Variants in ZFP64 observed in about 807,000 individuals in gnomAD.
ZFP64 encodes ZFP64 zinc finger protein, also known as zinc finger protein 64.
A neutral mutation model predicts 51.6 loss-of-function variants in ZFP64; 14 were observed. The ratio of observed to expected loss-of-function variants is 0.27; its 90% confidence interval spans 0.18 to 0.42. ZFP64 has a LOEUF of 0.42. Ranked by LOEUF, ZFP64 falls within the 10% of genes least tolerant of loss-of-function variation. The pLI is 1.00. For missense variants in ZFP64, 754 were observed against 906.8 expected (o/e 0.83, Z 2.16); for synonymous variants, 375 against 361.4 (o/e 1.04, Z -0.43).
intron 7 of ZFP64, chr20:52,096,746 G>T (rs2078992767): frequency 5.3e-6 from 1 of 189,304 alleles, no homozygotes; most frequent in Non-Finnish European, 1.1e-5. Flanking sequence ...AAAATTAGCT[G>T]GGCAAGGTGG....
In ZFP64 at chr20:52,153,486, C is replaced by A; in HGVS notation, c.764-58G>T. On this transcript the variant is annotated intron_variant, in intron 5 of 5. Coordinates refer to ENST00000216923, the MANE Select transcript of ZFP64 (RefSeq NM_018197.3). This position sits in a 1 kb window ranked among gnomAD's most constrained non-coding sequence, Gnocchi z 5.1. ...GGCAGGCAACAACCACAGCGGATCCCCCCGAAGCACACACCAGAAAATCGC... is the reference window on the plus strand; with the variant it reads ...GGCAGGCAACAACCACAGCGGATCCACCCGAAGCACACACCAGAAAATCGC... The A allele has an allele frequency of 6.5e-7, 1 of 1,547,788 alleles. No individual in the cohort carries two copies. Among genetic ancestry groups the A allele is most frequent in the East Asian group, 2.3e-5 (1 of 43,928 alleles).
At chr20:52,189,126 G>GT (rs1378220343) in intron 1 of ZFP64, among the ~76,000 whole-genome samples, 2 of 151,938 alleles carry the variant, frequency 1.3e-5, no homozygotes, top group African/African-American at 2.4e-5. Context: ...TAAAAGTTGC[G>GT]TAAGATGGCT....
intron 7 of ZFP64, chr20:52,097,162 A>G (rs984509055): frequency 1.0e-5 from 8 of 790,282 alleles, no homozygotes; most frequent in Admixed American, 3.4e-5. Context: ...TAAGATGACT[A>G]TAGCCACAGG....
intron 7 of ZFP64, among the ~76,000 whole-genome samples, chr20:52,092,884 A>C (rs1430618406): frequency 6.6e-6 from 1 of 152,180 alleles, no homozygotes; most frequent in East Asian, 1.9e-4. Context: ...GAAACAAAAC[A>C]GATCGATAAC....
At chr20:52,106,782 G>A (rs1443331641) in intron 5 of ZFP64, among the ~76,000 whole-genome samples, 2 of 152,152 alleles carry the variant, frequency 1.3e-5, no homozygotes, top group Admixed American at 6.5e-5. Context: ...TAGTTACACG[G>A]ATCTGTAAAG....
intron 5 of ZFP64, among the ~76,000 whole-genome samples, chr20:52,098,776 G>C (rs1324722356): frequency 6.6e-6 from 1 of 152,062 alleles, no homozygotes; most frequent in African/African-American, 2.4e-5. Context: ...GGCTGAGGTT[G>C]GTGGAGCACG....
At chr20:52,190,210 G>C (rs1984272737) in intron 1 of ZFP64, among the ~76,000 whole-genome samples, 1 of 152,132 alleles carries the variant, frequency 6.6e-6, no homozygotes, top group African/African-American at 2.4e-5. Flanking sequence ...GATACCCATG[G>C]AACTAACAAG....
chr20:52,148,680 G>A (rs1466036424), downstream of ZFP64, among the ~76,000 whole-genome samples: 4 of 149,324 alleles, frequency 2.7e-5, no homozygotes, highest in Admixed American at 6.7e-5. Flanking sequence ...CAGGCTGGGC[G>A]ACAGCCAGAC....
At chr20:52,116,539 C>A (rs1321020351) in intron 5 of ZFP64, among the ~76,000 whole-genome samples, 5 of 151,178 alleles carry the variant, frequency 3.3e-5, no homozygotes, top group African/African-American at 1.2e-4. Context: ...TACTTTCATA[C>A]AATAGAATTC....
chr20:52,133,978 A>T (rs533242284), intron 5 of ZFP64, among the ~76,000 whole-genome samples: 1 of 149,164 alleles, frequency 6.7e-6, no homozygotes, highest in African/African-American at 2.5e-5. Flanking sequence ...GCAGTGAGCC[A>T]TGATCATGCC....
In ZFP64 at chr20:52,191,598, C is replaced by T; in HGVS notation, c.39G>A (p.Ser13=). 6.3e-7 allele frequency: 1 copy of T among 1,589,264 alleles called. No homozygotes were observed. The highest frequency in any genetic ancestry group is 8.5e-7 in the Non-Finnish European group (1 of 1,170,764). The change falls in exon 1 of 6, where the codon TCG becomes TCA. Residue 13 remains serine, a synonymous_variant. Transcript: ENST00000216923. This position sits in a 1 kb window ranked among gnomAD's most constrained non-coding sequence, Gnocchi z 4.3. ...TCCCGGAAAAGCACTTACTTTGCAC[C>T]GAGCCCGCGAAGCTCTCGCCCTCGC... ...ASSEGESFAG[S]VQIPGGTTVL... is the part of the protein sequence containing the mutation.
Position 52,191,753 on chromosome 20 carries a change from A to G in ZFP64, c.-117T>C. The G allele has an allele frequency of 8.0e-7, 1 of 1,253,842 alleles. No individual in the cohort carries two copies. Among genetic ancestry groups the G allele is most frequent in the Non-Finnish European group, 1.1e-6 (1 of 949,626 alleles). 77.7% of individuals were successfully genotyped at this position (1,253,842 alleles called of 1,614,324 possible). On this transcript the variant is annotated 5_prime_UTR_variant, in exon 1 of 6. Coordinates refer to ENST00000216923, the MANE Select transcript of ZFP64 (RefSeq NM_018197.3). The surrounding 1 kb of genome is among the most constrained non-coding windows in gnomAD (Gnocchi z 4.3). The stretch of plus-strand genomic sequence containing the variant: ...ACACCCCCCACCCTGCCTTCTCCCA[A>G]CTCTGCGAGGCGGGGAGGACGGATG...
intron 5 of ZFP64, among the ~76,000 whole-genome samples, chr20:52,123,885 G>T (rs1047224693): frequency 6.6e-6 from 1 of 150,640 alleles, no homozygotes; most frequent in African/African-American, 2.4e-5. Context: ...TTGGGGGGGG[G>T]AGGGGGCAGA....
Position 52,088,391 on chromosome 20 carries a change from C to A in ZFP64, c.1228+1G>T. On this transcript the variant is annotated splice_donor_variant, in intron 8 of 8. Coordinates refer to the ZFP64 transcript ENST00000361387. LOFTEE classifies it high-confidence loss of function. Reference sequence around the variant, plus strand: ...TTGAGGTTTCCTGGTCAGGGACTCACCCGTGTGAGATCGCAGGTGGACGGT... The same window carrying A: ...TTGAGGTTTCCTGGTCAGGGACTCAACCGTGTGAGATCGCAGGTGGACGGT... 6.2e-7 allele frequency: 1 copy of A among 1,613,888 alleles called. No homozygotes were observed. The highest frequency in any genetic ancestry group is 8.5e-7 in the Non-Finnish European group (1 of 1,180,036).
chr20:52,154,233 G>C (rs538588238), intron 5 of ZFP64, among the ~76,000 whole-genome samples: 1 of 152,120 alleles, frequency 6.6e-6, no homozygotes, highest in Non-Finnish European at 1.5e-5. Context: ...AATATTCTTC[G>C]ATGGCTTCCG....
At chr20:52,174,069 C>G (rs1345481608) in intron 2 of ZFP64, among the ~76,000 whole-genome samples, 1 of 152,030 alleles carries the variant, frequency 6.6e-6, no homozygotes, top group Non-Finnish European at 1.5e-5. Context: ...GAGGACAGAC[C>G]CTTGTTTCTT....
chr20:52,109,299 G>A (rs1253668009), intron 5 of ZFP64, among the ~76,000 whole-genome samples: 1 of 152,060 alleles, frequency 6.6e-6, no homozygotes, highest in Non-Finnish European at 1.5e-5. Flanking sequence ...GAGTAGCTAG[G>A]ACTACAGGCA....
At chr20:52,111,779 C>T (rs1317143482) in intron 5 of ZFP64, among the ~76,000 whole-genome samples, 1 of 152,036 alleles carries the variant, frequency 6.6e-6, no homozygotes, top group Non-Finnish European at 1.5e-5. Flanking sequence ...TGGAGCCAAC[C>T]TGAGTTAGAA....
intron 5 of ZFP64, among the ~76,000 whole-genome samples, chr20:52,112,090 AAAAAAAAAAAC>A (rs1443707786): frequency 5.5e-4 from 76 of 138,312 alleles, no homozygotes; most frequent in South Asian, 1.8e-3. Flanking sequence ...TCCAAAAAAA[AAAAAAAAAAAC>A]AAAAAAAAAA....
Sources: allele counts gnomAD v4.1 joint callset (sites outside exome capture counted in the v4.1 genomes callset), GRCh38; gene constraint gnomAD v4.1.1; non-coding constraint Gnocchi (gnomAD v3.1); transcripts MANE v1.5; gene names NCBI Gene and HGNC (gene_info 2026-07-23, HGNC 2026-07-21).